HS6ST3: variants seen among roughly 807,000 people sequenced by gnomAD.
HS6ST3 encodes the protein heparan-sulfate 6-O-sulfotransferase 3.
HS6ST3 carries 12 observed loss-of-function variants against 36.7 expected under a neutral mutation model. The ratio of observed to expected loss-of-function variants is 0.33; its 90% CI spans 0.21 to 0.53. The LOEUF (loss-of-function observed/expected upper bound fraction) is 0.53, where lower values mean the gene tolerates loss of function less well. Among genes scored for constraint, HS6ST3 ranks in the 20% least tolerant of loss-of-function variants. HS6ST3 has a pLI of 0.95. For missense variants in HS6ST3, 584 were observed against 640.9 expected (o/e 0.91, Z 0.96); for synonymous variants, 240 against 257.5 (o/e 0.93, Z 0.65).
intron 1 of HS6ST3, among the ~76,000 whole-genome samples, chr13:96,549,058 G>A (rs934205954): frequency 1.3e-5 from 2 of 152,106 alleles, no homozygotes; most frequent in South Asian, 2.1e-4. Context: ...TGAACCTCTC[G>A]GGCCTTCAGC....
At chr13:96,151,902 C>T (rs576619099) in intron 1 of HS6ST3, among the ~76,000 whole-genome samples, 1 of 152,258 alleles carries the variant, frequency 6.6e-6, no homozygotes, top group South Asian at 2.1e-4. Flanking sequence ...GAGGATACTT[C>T]TCGTAGTGGA....
intron 1 of HS6ST3, among the ~76,000 whole-genome samples, chr13:96,459,100 T>TAAAAAAAAAAAAAAAAAA (rs747439262): frequency 0.016 from 1,017 of 63,822 alleles, 89 homozygotes; most frequent in Non-Finnish European, 0.02. Context: ...CAAGACTGTC[T>TAAAAAAAAAAAAAAAAAA]AAAAAAAAAA....
intron 1 of HS6ST3, among the ~76,000 whole-genome samples, chr13:96,137,848 T>C (rs528935269): frequency 1.3e-5 from 2 of 152,354 alleles, no homozygotes; most frequent in African/African-American, 4.8e-5. Context: ...TTGAATTCTT[T>C]AGGCAAGCTT....
At chr13:96,331,633 T>G (rs1439049873) in intron 1 of HS6ST3, among the ~76,000 whole-genome samples, 2 of 152,154 alleles carry the variant, frequency 1.3e-5, no homozygotes, top group Non-Finnish European at 2.9e-5. Context: ...GCTGTCTTTT[T>G]GTTTTTCTGT....
chr13:96,407,939 C>T (rs1355529648), intron 1 of HS6ST3, among the ~76,000 whole-genome samples: 2 of 152,034 alleles, frequency 1.3e-5, no homozygotes, highest in Non-Finnish European at 2.9e-5. Context: ...GGATTTTTAG[C>T]GTTATTATTA....
At chr13:96,263,638 T>C (rs9554331) in intron 1 of HS6ST3, among the ~76,000 whole-genome samples, 1 of 152,188 alleles carries the variant, frequency 6.6e-6, no homozygotes, top group Non-Finnish European at 1.5e-5. Flanking sequence ...AATGAGGATA[T>C]TTTTAGTGCC....
chr13:96,232,393 C>CCTCT (rs1417725252), intron 1 of HS6ST3, among the ~76,000 whole-genome samples: 1 of 152,018 alleles, frequency 6.6e-6, no homozygotes, highest in African/African-American at 2.4e-5. Context: ...AGGTCATGAG[C>CCTCT]CTCTGAGAAA....
At chr13:96,686,019 A>G (rs1874767930) in intron 1 of HS6ST3, among the ~76,000 whole-genome samples, 1 of 152,034 alleles carries the variant, frequency 6.6e-6, no homozygotes, top group Non-Finnish European at 1.5e-5. Flanking sequence ...TGGAGTGTAC[A>G]ACTTTACTTA....
At chr13:96,154,455 C>T (rs2054101195) in intron 1 of HS6ST3, among the ~76,000 whole-genome samples, 1 of 152,036 alleles carries the variant, frequency 6.6e-6, no homozygotes, top group Non-Finnish European at 1.5e-5. Context: ...AGTGTTTCTA[C>T]AATATTTTAA....
At chr13:96,597,681 T>C (rs925187513) in intron 1 of HS6ST3, among the ~76,000 whole-genome samples, 1 of 152,136 alleles carries the variant, frequency 6.6e-6, no homozygotes, top group African/African-American at 2.4e-5. Flanking sequence ...TTTTTCAGTT[T>C]GGCTATGTCC....
At chr13:96,453,180 TAAAAAAAAA>T (rs56996268) in intron 1 of HS6ST3, among the ~76,000 whole-genome samples, 1 of 135,818 alleles carries the variant, frequency 7.4e-6, no homozygotes, top group South Asian at 2.3e-4. Context: ...ATGCTCTTTT[TAAAAAAAAA>T]AAAAAAAGAA....
At chr13:96,562,540 A>G (rs2056266077) in intron 1 of HS6ST3, among the ~76,000 whole-genome samples, 2 of 152,244 alleles carry the variant, frequency 1.3e-5, no homozygotes, top group South Asian at 2.1e-4. Context: ...TAACAATAAT[A>G]TGCCGAGCAT....
At chr13:96,722,260 G>A (rs558178761) in intron 1 of HS6ST3, among the ~76,000 whole-genome samples, 11 of 151,662 alleles carry the variant, frequency 7.3e-5, no homozygotes, top group Middle Eastern at 3.4e-3. Flanking sequence ...GCGAGATTCC[G>A]TCTAAAAAAA....
At chr13:96,818,080 C>A (rs900421702) in intron 1 of HS6ST3, among the ~76,000 whole-genome samples, 13 of 151,988 alleles carry the variant, frequency 8.6e-5, no homozygotes, top group African/African-American at 3.1e-4. Flanking sequence ...AAAGCTATTA[C>A]CTCTGGAAGC....
At chr13:96,659,548 G>T (rs995624719) in intron 1 of HS6ST3, among the ~76,000 whole-genome samples, 4 of 151,638 alleles carry the variant, frequency 2.6e-5, no homozygotes, top group African/African-American at 9.7e-5. Flanking sequence ...TTTTTTTGCT[G>T]TATTAATGAA....
intron 1 of HS6ST3, among the ~76,000 whole-genome samples, chr13:96,453,431 T>C (rs1199143985): frequency 6.6e-6 from 1 of 152,156 alleles, no homozygotes; most frequent in Non-Finnish European, 1.5e-5. Context: ...GAAGATACTA[T>C]CTTTATCTTC....
chr13:96,826,681 G>A (rs1048940537), intron 1 of HS6ST3, among the ~76,000 whole-genome samples: 10 of 152,174 alleles, frequency 6.6e-5, no homozygotes, highest in Admixed American at 6.5e-5. Context: ...GGCTTTCAAC[G>A]TGAGAGAAGG....
intron 1 of HS6ST3, among the ~76,000 whole-genome samples, chr13:96,498,095 C>A (rs1231955166): frequency 6.6e-6 from 1 of 152,142 alleles, no homozygotes; most frequent in Admixed American, 6.5e-5. Flanking sequence ...TTTCAGTGGG[C>A]TTGAAGAACA....
chr13:96,204,516 C>T (rs139770543), intron 1 of HS6ST3, among the ~76,000 whole-genome samples: 167 of 152,290 alleles, frequency 1.1e-3, no homozygotes, highest in African/African-American at 3.7e-3. Flanking sequence ...ATCTACAGAA[C>T]TCTCCACCCA....
Sources: allele counts gnomAD v4.1 joint callset (sites outside exome capture counted in the v4.1 genomes callset), GRCh38; gene constraint gnomAD v4.1.1; transcripts MANE v1.5; gene names NCBI Gene and HGNC (gene_info 2026-07-23, HGNC 2026-07-21).